The following SLC12A2 variants were observed in gnomAD, a reference collection of about 807,000 sequenced individuals.
SLC12A2 encodes the protein Na-K-2Cl cotransporter 1.
A neutral mutation model predicts 136.3 loss-of-function variants in SLC12A2; 67 were observed. That is an observed-to-expected ratio of 0.49 (90% CI 0.40 to 0.60). The LOEUF is 0.60. SLC12A2 is among the 20% of genes least tolerant of loss of function. The pLI is 0.00. For missense variants in SLC12A2, 1,322 were observed against 1,534.7 expected (o/e 0.86, Z 2.32); for synonymous variants, 619 against 562.9 (o/e 1.10, Z -1.41).
intron 17 of SLC12A2, among the ~76,000 whole-genome samples, chr5:128,163,490 C>G (rs978020724): frequency 2.8e-4 from 43 of 152,190 alleles, no homozygotes; most frequent in African/African-American, 1.0e-3. Context: ...GATCATGCCA[C>G]CGCACTCCAG....
chr5:128,182,915 T>C lies in SLC12A2; in HGVS notation c.3273T>C (p.Asp1091=), dbSNP rs761787294. 16 of 1,609,696 alleles carry C rather than the reference T, an allele frequency of 9.9e-6. No individual in the cohort carries two copies. Among genetic ancestry groups the C allele is most frequent in the Non-Finnish European group, 1.4e-5 (16 of 1,177,358 alleles). Reference sequence around the variant, plus strand: ...TTTCTGATATCATGGTTCTAGGAGATATCAATACCAAACCAAAGAAAGAAA... The same window carrying C: ...TTTCTGATATCATGGTTCTAGGAGACATCAATACCAAACCAAAGAAAGAAA... ...IDFSDIMVLG[D]INTKPKKENI... Residue 1091 remains aspartate (D), a synonymous_variant, in exon 24 of 27, where the codon GAT becomes GAC. Transcript: ENST00000262461.
chr5:128,181,979 A>G (rs540826279), intron 23 of SLC12A2, among the ~76,000 whole-genome samples: 1 of 139,632 alleles, frequency 7.2e-6, no homozygotes, highest in South Asian at 2.5e-4. Flanking sequence ...TGGAATCACA[A>G]TATACTTTTA....
chr5:128,181,303 T>A (rs1404227452), intron 23 of SLC12A2, among the ~76,000 whole-genome samples: 1 of 152,144 alleles, frequency 6.6e-6, no homozygotes, highest in Non-Finnish European at 1.5e-5. Flanking sequence ...GCACAAACGT[T>A]ACATATTTAT....
chr5:128,184,390 T>C lies in SLC12A2; in HGVS notation c.3324T>C (p.Ile1108=). The change falls in exon 25 of 27, where the codon ATT becomes ATC. Residue 1108 remains isoleucine, a synonymous_variant. Coordinates refer to ENST00000262461, the MANE Select transcript of SLC12A2 (RefSeq NM_001046.3). ...GTATTATAGCTTTTGAGGAAATCAT[T>C]GAGCCATACAGACTTCATGAAGATG... ...KENIIAFEEI[I]EPYRLHEDDK... The C allele has an allele frequency of 6.4e-7, 1 of 1,564,002 alleles. No homozygotes were observed. Among genetic ancestry groups the C allele is most frequent in the Non-Finnish European group, 8.7e-7 (1 of 1,155,346 alleles).
chr5:128,183,236 A>G (rs1487934130), intron 24 of SLC12A2, among the ~76,000 whole-genome samples: 2 of 152,028 alleles, frequency 1.3e-5, no homozygotes, highest in South Asian at 2.1e-4. Flanking sequence ...TGCTCTACAT[A>G]CCTATTACTT....
chr5:128,089,816 G>A (rs1760245069), intron 1 of SLC12A2, among the ~76,000 whole-genome samples: 1 of 152,172 alleles, frequency 6.6e-6, no homozygotes, highest in Non-Finnish European at 1.5e-5. Context: ...ACCATGAGCT[G>A]CTTCTCTGAG....
At chr5:128,134,391 C>G (rs1762121742) in intron 6 of SLC12A2, 116 bp downstream of exon 6, 2 of 617,612 alleles carry the variant, frequency 3.2e-6, no homozygotes, top group Non-Finnish European at 5.9e-6. Context: ...CCTAAGTGGC[C>G]ATTTTCACAA....
At position 128,112,896 on chromosome 5, in the gene SLC12A2, A is replaced by G. The variant is rs146381223; in HGVS notation, c.839A>G (p.Lys280Arg). 2.7e-4 allele frequency: 443 copies of G among 1,613,034 alleles called. 1 individual carries two copies. Among genetic ancestry groups the G allele is most frequent in the Admixed American group, 6.8e-4 (41 of 59,872 alleles). The change falls in exon 2 of 27, where the codon AAA (lysine) becomes AGA (arginine). Residue 280 changes from lysine (K) to arginine (R), a missense_variant. By Grantham distance (26) the Lys-to-Arg change is conservative (BLOSUM62 2). Transcript: ENST00000262461. The stretch of plus-strand genomic sequence containing the variant: ...GTGGTCACGTATACTGCAGAAAGTA[A>G]AGGAGTCGTGAAGTTTGGCTGGATC... ...DAVVTYTAESKGVVKFGWIKG... is the reference protein window; with the variant it reads ...DAVVTYTAESRGVVKFGWIKG...
chr5:128,098,445 G>A (rs1401420059), intron 1 of SLC12A2, among the ~76,000 whole-genome samples: 1 of 150,866 alleles, frequency 6.6e-6, no homozygotes, highest in African/African-American at 2.4e-5. Flanking sequence ...TTAACATATG[G>A]GCCACATGGA....
In SLC12A2 at chr5:128,144,407, T is replaced by C. The variant is rs112179556; in HGVS notation, c.1773+2426T>C. Among the ~76,000 whole-genome samples the C allele has an allele frequency of 1.9e-3, 290 of 151,990 alleles. 1 individual carries two copies. Among genetic ancestry groups the C allele is most frequent in the African/African-American group, 6.5e-3 (270 of 41,430 alleles). On this transcript the variant is annotated intron_variant, in intron 10 of 26. Coordinates refer to ENST00000262461, the MANE Select transcript of SLC12A2 (RefSeq NM_001046.3). ...TAAATGAGGAGTATGTAAGTTGGAG[T>C]CTCCATCATAAGATCTATACAAGCC...
At chr5:128,126,975 T>A (rs1408697274) in intron 4 of SLC12A2, among the ~76,000 whole-genome samples, 4 of 130,682 alleles carry the variant, frequency 3.1e-5, no homozygotes, top group Non-Finnish European at 4.8e-5. Flanking sequence ...TATTTTTTTT[T>A]TTTTTTTTTT....
At chr5:128,108,475 A>G (rs1035791262) in intron 1 of SLC12A2, among the ~76,000 whole-genome samples, 4 of 152,232 alleles carry the variant, frequency 2.6e-5, no homozygotes, top group African/African-American at 7.2e-5. Flanking sequence ...AATAAAAAGG[A>G]GTGAAGTACT....
At chr5:128,097,370 A>G (rs1347827332) in intron 1 of SLC12A2, among the ~76,000 whole-genome samples, 1 of 152,062 alleles carries the variant, frequency 6.6e-6, no homozygotes, top group Non-Finnish European at 1.5e-5. Flanking sequence ...TGCCTATAGA[A>G]TATTCATATA....
chr5:128,182,867 G>T lies in SLC12A2; in HGVS notation c.3225G>T (p.Leu1075Phe), dbSNP rs1763748883. The T allele has an allele frequency of 1.2e-6, 2 of 1,610,216 alleles. No individual in the cohort carries two copies. Among genetic ancestry groups the T allele is most frequent in the Non-Finnish European group, 1.7e-6 (2 of 1,177,460 alleles). The change falls in exon 24 of 27, where the codon TTG (leucine) becomes TTT (phenylalanine). Residue 1075 changes from leucine (L) to phenylalanine (F), a missense_variant. Physicochemically the swap from Leu to Phe is conservative, Grantham distance 22 (BLOSUM62 0). Around this residue, in one of 8 missense-constraint regions of SLC12A2, gnomAD observed 172 missense variants for 227.4 expected, o/e 0.76. Transcript: ENST00000262461. ...IDHDRRAMAT[L>F]LSKFRIDFSD... ...ATTTTTGTTGTAGGATGGCTACTTTGCTTAGCAAGTTCCGGATAGACTTTT... is the reference window on the plus strand; with the variant it reads ...ATTTTTGTTGTAGGATGGCTACTTTTCTTAGCAAGTTCCGGATAGACTTTT...
intron 1 of SLC12A2, among the ~76,000 whole-genome samples, chr5:128,085,051 ATG>A (rs1380069192): frequency 6.6e-6 from 1 of 151,168 alleles, no homozygotes; most frequent in Non-Finnish European, 1.5e-5. Flanking sequence ...TTAGAGGAGA[ATG>A]TGCAGTGAGG....
intron 4 of SLC12A2, among the ~76,000 whole-genome samples, chr5:128,124,767 C>G (rs1255271583): frequency 6.6e-6 from 1 of 151,652 alleles, no homozygotes; most frequent in Admixed American, 6.6e-5. Context: ...CTCTTCTCCC[C>G]TAAGGTGTGA....
chr5:128,119,635 T>C (rs973891323), intron 4 of SLC12A2, among the ~76,000 whole-genome samples: 1 of 152,208 alleles, frequency 6.6e-6, no homozygotes, highest in African/African-American at 2.4e-5. Context: ...CTTTGTAGTA[T>C]AGTTTGAAGT....
chr5:128,154,188 G>A (rs1762801088), intron 15 of SLC12A2, among the ~76,000 whole-genome samples: 2 of 152,060 alleles, frequency 1.3e-5, no homozygotes, highest in South Asian at 4.1e-4. Context: ...GAGGCGGGAG[G>A]ATCACTTGAG....
chr5:128,170,262 A>T (rs997847601), intron 18 of SLC12A2: 2 of 152,228 alleles, frequency 1.3e-5, no homozygotes, highest in Non-Finnish European at 2.9e-5. Flanking sequence ...AACAATTTTT[A>T]AAATGCTTAT....
Sources: gnomAD v4.1 joint callset for allele counts (sites outside exome capture counted in the v4.1 genomes callset) on GRCh38, gnomAD v4.1.1 for gene constraint, gnomAD v4.1.1 regional missense constraint, MANE v1.5 for transcripts, NCBI Gene and HGNC (gene_info 2026-07-23, HGNC 2026-07-21) for gene names.